ERG: variants seen among roughly 807,000 people sequenced by gnomAD.
ERG encodes ETS transcription factor ERG, also known as transcriptional regulator ERG.
Under a neutral mutation model 55.3 loss-of-function variants are expected in ERG, and 9 were observed. That is an observed-to-expected ratio of 0.16 (90% CI 0.10 to 0.28). ERG has a LOEUF of 0.28. ERG is among the 10% of genes least tolerant of loss of function. The pLI, the probability that ERG is intolerant of heterozygous loss-of-function variation, is 1.00. For missense variants in ERG, 434 were observed against 631.6 expected (o/e 0.69, Z 3.35); for synonymous variants, 223 against 237.3 (o/e 0.94, Z 0.55).
intron 1 of ERG, among the ~76,000 whole-genome samples, chr21:38,593,087 T>G (rs1447766511): frequency 6.6e-6 from 1 of 152,216 alleles, no homozygotes; most frequent in Non-Finnish European, 1.5e-5. Context: ...CCGTTTTGCA[T>G]GTAAAGCATT....
chr21:38,651,778 G>A (rs2060490228), intron 1 of ERG, among the ~76,000 whole-genome samples: 1 of 152,166 alleles, frequency 6.6e-6, no homozygotes, highest in African/African-American at 2.4e-5. Context: ...CTCTGACCAA[G>A]ATAACTACAC....
intron 1 of ERG, among the ~76,000 whole-genome samples, chr21:38,577,712 G>A (rs1166249967): frequency 6.6e-6 from 1 of 152,204 alleles, no homozygotes; most frequent in African/African-American, 2.4e-5. Flanking sequence ...CAGCCCGGAA[G>A]GGGAGCGTCT....
At chr21:38,423,653 G>A in intron 2 of ERG, 92 bp from the exon 3 acceptor site, 1 of 1,362,574 alleles carries the variant, frequency 7.3e-7, no homozygotes, top group Non-Finnish European at 1.0e-6. Flanking sequence ...ACCAAAGAAG[G>A]GCAAGGCGGA....
chr21:38,451,051 G>T (rs1178653700), intron 1 of ERG: 4 of 433,100 alleles, frequency 9.2e-6, no homozygotes, highest in Non-Finnish European at 1.8e-5. Context: ...GAAGAAGTTG[G>T]ATTAAGAAAA....
At position 38,382,829 on chromosome 21, in the gene ERG, A is replaced by T; in HGVS notation, c.*574T>A. 1 of 1,066,300 alleles carries T rather than the reference A, an allele frequency of 9.4e-7. No homozygotes were observed. The highest frequency in any genetic ancestry group is 1.1e-6 in the Non-Finnish European group (1 of 879,566). 66.1% of individuals were successfully genotyped at this position (1,066,300 alleles called of 1,614,324 possible). ...ATCTTCACAGTTTGAGAAAGCTGACAGCTGTCCATCAAACGGAATGTATTT... is the reference window on the plus strand; with the variant it reads ...ATCTTCACAGTTTGAGAAAGCTGACTGCTGTCCATCAAACGGAATGTATTT... On this transcript the variant is annotated 3_prime_UTR_variant, in exon 10 of 10. Coordinates refer to ENST00000288319, the MANE Select transcript of ERG (RefSeq NM_182918.4).
At chr21:38,564,584 T>C (rs1648446534) in intron 2 of ERG, among the ~76,000 whole-genome samples, 1 of 151,398 alleles carries the variant, frequency 6.6e-6, no homozygotes, top group Admixed American at 6.6e-5. Context: ...CTTCTCTCTC[T>C]CTCTTTTTTT....
intron 1 of ERG, among the ~76,000 whole-genome samples, chr21:38,467,330 C>T (rs2059099843): frequency 6.9e-6 from 1 of 145,708 alleles, no homozygotes; most frequent in East Asian, 1.9e-4. Context: ...TCAAACAAAC[C>T]TCCCTCCTCC....
chr21:38,478,347 G>T (rs1048685698), intron 1 of ERG, among the ~76,000 whole-genome samples: 4 of 152,230 alleles, frequency 2.6e-5, no homozygotes, highest in Non-Finnish European at 5.9e-5. Context: ...TAGAGCAAGT[G>T]GGACTGACTC....
intron 1 of ERG, among the ~76,000 whole-genome samples, chr21:38,640,606 G>C (rs988922595): frequency 6.6e-6 from 1 of 152,166 alleles, no homozygotes; most frequent in Admixed American, 6.5e-5. Context: ...GCTCTGATCT[G>C]TCTTGCCTGC....
intron 1 of ERG, among the ~76,000 whole-genome samples, chr21:38,612,855 G>T (rs578081624): frequency 6.6e-6 from 1 of 152,154 alleles, no homozygotes; most frequent in Non-Finnish European, 1.5e-5. Context: ...TAGAGATGGG[G>T]TTTCACCGTG....
At position 38,635,220 on chromosome 21, in the gene ERG, C is replaced by A. The variant is rs117280332; in HGVS notation, c.-150+26438G>T. ...CCATATGGTACTATCATAGTAGGAT[C>A]TGTTTTTAACATAGACCCATACTGA... On this transcript the variant is annotated intron_variant, in intron 1 of 10. Transcript: ENST00000398910. Among the ~76,000 whole-genome samples the A allele has an allele frequency of 3.2e-3, 490 of 152,230 alleles. 6 individuals carry two copies. In the East Asian group the frequency reaches 0.041, roughly 13 times the overall value.
intron 1 of ERG, among the ~76,000 whole-genome samples, chr21:38,611,222 A>T (rs1266138103): frequency 3.3e-5 from 5 of 152,020 alleles, no homozygotes; most frequent in Non-Finnish European, 5.9e-5. Flanking sequence ...CCTCAACTGG[A>T]TTATTATGTT....
chr21:38,628,014 T>C, intron 1 of ERG, among the ~76,000 whole-genome samples: 1 of 143,350 alleles, frequency 7.0e-6, no homozygotes, highest in South Asian at 2.2e-4. Context: ...AGTGGTGTGA[T>C]CTTGGCTCAC....
chr21:38,576,806 C>A (rs1295787659), intron 1 of ERG, among the ~76,000 whole-genome samples: 1 of 152,214 alleles, frequency 6.6e-6, no homozygotes, highest in East Asian at 1.9e-4. Flanking sequence ...ACCACCGACA[C>A]CTGCCGCCCA....
intron 1 of ERG, among the ~76,000 whole-genome samples, chr21:38,473,005 G>A (rs1017040438): frequency 6.6e-6 from 1 of 152,156 alleles, no homozygotes; most frequent in Non-Finnish European, 1.5e-5. Context: ...CCCGGCATGA[G>A]GCAGGCAGCA....
intron 3 of ERG, among the ~76,000 whole-genome samples, chr21:38,416,190 C>A (rs1989270466): frequency 6.6e-6 from 1 of 152,156 alleles, no homozygotes. Context: ...GGTGTCTGTC[C>A]TCTACCTGTG....
intron 1 of ERG, among the ~76,000 whole-genome samples, chr21:38,620,269 G>A (rs1263653534): frequency 6.6e-6 from 1 of 152,132 alleles, no homozygotes; most frequent in Non-Finnish European, 1.5e-5. Context: ...TGGGGATGAA[G>A]AGGTTATGCA....
chr21:38,387,873 AT>A (rs1296552528), intron 9 of ERG, among the ~76,000 whole-genome samples: 1 of 152,206 alleles, frequency 6.6e-6, no homozygotes, highest in East Asian at 1.9e-4. Context: ...AAGTGACGAA[AT>A]TGGAGCTTAG....
intron 2 of ERG, among the ~76,000 whole-genome samples, chr21:38,430,555 T>C (rs1009641599): frequency 2.6e-5 from 4 of 152,254 alleles, no homozygotes; most frequent in African/African-American, 9.6e-5. Context: ...CTATGCAATA[T>C]GTGGCATCAA....
Sources: gnomAD v4.1 joint callset for allele counts (sites outside exome capture counted in the v4.1 genomes callset) on GRCh38, gnomAD v4.1.1 for gene constraint, MANE v1.5 for transcripts, NCBI Gene and HGNC (gene_info 2026-07-23, HGNC 2026-07-21) for gene names.